The following NEGR1 variants were observed in gnomAD, a reference collection of about 807,000 sequenced individuals.
The protein encoded by NEGR1 is IgLON family member 4.
In NEGR1, 10 loss-of-function variants were observed where a neutral mutation model predicts 40.9. The observed-to-expected ratio is 0.24, with a 90% confidence interval of 0.15 to 0.42. The LOEUF (loss-of-function observed/expected upper bound fraction) is 0.42. Among genes scored for constraint, NEGR1 ranks in the 10% least tolerant of loss-of-function variants. NEGR1 has a pLI of 1.00. For missense variants in NEGR1, 352 were observed against 438.9 expected, an observed-to-expected ratio of 0.80 and a Z score of 1.77; for synonymous variants, 185 against 166.8, an observed-to-expected ratio of 1.11 and a Z score of -0.84.
chr1:71,929,674 C>A (rs1645836108), intron 2 of NEGR1, among the ~76,000 whole-genome samples: 1 of 150,110 alleles, frequency 6.7e-6, no homozygotes, highest in Non-Finnish European at 1.5e-5. Context: ...TGTTGCAGCA[C>A]AATGGCTTGA....
At chr1:72,038,222 T>C (rs1386281511) in intron 1 of NEGR1, among the ~76,000 whole-genome samples, 2 of 152,072 alleles carry the variant, frequency 1.3e-5, no homozygotes, top group Non-Finnish European at 2.9e-5. Context: ...CAGTTGCACA[T>C]ACGATTAGGT....
intron 2 of NEGR1, among the ~76,000 whole-genome samples, chr1:71,904,600 A>C (rs1014222708): frequency 2.0e-5 from 3 of 152,126 alleles, no homozygotes; most frequent in African/African-American, 7.2e-5. Flanking sequence ...AGTAAAGAGA[A>C]AGTTTGTCTT....
intron 1 of NEGR1, among the ~76,000 whole-genome samples, chr1:72,266,109 C>T (rs1032077291): frequency 6.6e-6 from 1 of 150,786 alleles, no homozygotes; most frequent in African/African-American, 2.4e-5. Context: ...TTAACATTTT[C>T]TGGGAGTATG....
At chr1:72,078,958 CT>C (rs761592916) in intron 1 of NEGR1, among the ~76,000 whole-genome samples, 2 of 151,266 alleles carry the variant, frequency 1.3e-5, no homozygotes, top group East Asian at 3.9e-4. Context: ...GATATTTTAA[CT>C]ATCTCCATTT....
chr1:72,234,900 G>A (rs1290977101), intron 1 of NEGR1, among the ~76,000 whole-genome samples: 5 of 152,066 alleles, frequency 3.3e-5, no homozygotes, highest in African/African-American at 1.2e-4. Context: ...CTTAAAATCA[G>A]AAATCCCATT....
intron 2 of NEGR1, among the ~76,000 whole-genome samples, chr1:71,856,892 G>A (rs1211593395): frequency 2.0e-5 from 3 of 152,020 alleles, no homozygotes; most frequent in African/African-American, 7.2e-5. Context: ...GTTAAGTCAA[G>A]ATATATATGT....
intron 4 of NEGR1, among the ~76,000 whole-genome samples, chr1:71,631,453 TC>T (rs1207924066): frequency 6.6e-6 from 1 of 151,806 alleles, no homozygotes; most frequent in African/African-American, 2.4e-5. Context: ...ATAGTTGTCA[TC>T]TATCAACAAG....
intron 3 of NEGR1, among the ~76,000 whole-genome samples, chr1:71,739,608 C>G (rs1655152593): frequency 6.6e-6 from 1 of 151,732 alleles, no homozygotes; most frequent in Non-Finnish European, 1.5e-5. Context: ...TGCAATTGCA[C>G]ATTTAAAAAA....
At chr1:71,479,446 A>T (rs1646840640) in intron 6 of NEGR1, among the ~76,000 whole-genome samples, 1 of 152,060 alleles carries the variant, frequency 6.6e-6, no homozygotes, top group Non-Finnish European at 1.5e-5. Flanking sequence ...TATCCAGTAG[A>T]ATCAATCAGT....
At chr1:72,065,214 G>C (rs901803888) in intron 1 of NEGR1, among the ~76,000 whole-genome samples, 1 of 152,000 alleles carries the variant, frequency 6.6e-6, no homozygotes, top group Admixed American at 6.6e-5. Context: ...TTTGCACACT[G>C]TATTATTACT....
At chr1:72,176,722 G>A (rs1652179199) in intron 1 of NEGR1, among the ~76,000 whole-genome samples, 1 of 152,024 alleles carries the variant, frequency 6.6e-6, no homozygotes, top group Admixed American at 6.6e-5. Flanking sequence ...AAAATGGAAG[G>A]TAGAGTGGTG....
At chr1:72,186,677 C>G (rs908661249) in intron 1 of NEGR1, among the ~76,000 whole-genome samples, 7 of 151,656 alleles carry the variant, frequency 4.6e-5, no homozygotes, top group Non-Finnish European at 1.0e-4. Flanking sequence ...TGGTCTCAAT[C>G]TGAGGCTTCC....
In NEGR1 at chr1:72,212,020, G is replaced by T. The variant is rs1030580198; in HGVS notation, c.176+70299C>A. Among the ~76,000 whole-genome samples the T allele has an allele frequency of 3.3e-5, 5 of 151,910 alleles. No homozygotes were observed. The South Asian group carries it at 8.3e-4, about 25-fold the overall frequency. Reference sequence around the variant, plus strand: ...TGTAAGTGTAGAATACAAAAACAGAGTTATCAGATGAAATGCCTACTCCTA... The same window carrying T: ...TGTAAGTGTAGAATACAAAAACAGATTTATCAGATGAAATGCCTACTCCTA... On this transcript the variant is annotated intron_variant, in intron 1 of 6. Coordinates refer to ENST00000357731, the MANE Select transcript of NEGR1 (RefSeq NM_173808.3).
At position 71,486,023 on chromosome 1, in the gene NEGR1, TG is replaced by T. The variant is rs1044822673; in HGVS notation, c.941-78454del. Among the ~76,000 whole-genome samples the T allele has an allele frequency of 7.3e-4, 111 of 151,776 alleles. 1 individual carries two copies. Among genetic ancestry groups the T allele is most frequent in the African/African-American group, 2.4e-3 (100 of 41,492 alleles). ...TTGCCAAACTGTCTTCCAAAGTGGC[TG>T]TACAATTTTGCATGTCTACCAGGAA... On this transcript the variant is annotated intron_variant, in intron 6 of 6. Coordinates refer to ENST00000357731, the MANE Select transcript of NEGR1 (RefSeq NM_173808.3).
At chr1:71,941,124 T>C (rs1645955223) in intron 1 of NEGR1, among the ~76,000 whole-genome samples, 1 of 152,212 alleles carries the variant, frequency 6.6e-6, no homozygotes, top group Non-Finnish European at 1.5e-5. Context: ...CCTTTACTGC[T>C]GTCTCTTCAT....
intron 4 of NEGR1, among the ~76,000 whole-genome samples, chr1:71,690,852 C>G (rs953058086): frequency 6.6e-6 from 1 of 151,740 alleles, no homozygotes; most frequent in African/African-American, 2.4e-5. Flanking sequence ...TGATTGCCAA[C>G]CTAAAAACAA....
intron 1 of NEGR1, among the ~76,000 whole-genome samples, chr1:72,172,317 T>C (rs1651993007): frequency 6.6e-6 from 1 of 152,114 alleles, no homozygotes; most frequent in South Asian, 2.1e-4. Flanking sequence ...GGCAGCTACT[T>C]CCATTTGCCA....
chr1:71,524,985 A>T (rs1647199345), intron 6 of NEGR1, among the ~76,000 whole-genome samples: 1 of 151,764 alleles, frequency 6.6e-6, no homozygotes, highest in Non-Finnish European at 1.5e-5. Flanking sequence ...CCCTGCTGAC[A>T]TCTTGATTTT....
intron 1 of NEGR1, among the ~76,000 whole-genome samples, chr1:72,208,186 C>T (rs1653478375): frequency 6.6e-6 from 1 of 151,510 alleles, no homozygotes; most frequent in South Asian, 2.1e-4. Flanking sequence ...GTGCATTGTG[C>T]CTGCATGCAT....
Sources: allele counts gnomAD v4.1 joint callset (sites outside exome capture counted in the v4.1 genomes callset), GRCh38; gene constraint gnomAD v4.1.1; transcripts MANE v1.5; gene names NCBI Gene and HGNC (gene_info 2026-07-23, HGNC 2026-07-21).